The following CNGB3 variants were observed in gnomAD, a reference collection of about 807,000 sequenced individuals.
CNGB3 encodes the protein cyclic nucleotide-gated channel beta-3.
Under a neutral mutation model 92.8 loss-of-function variants are expected in CNGB3, and 86 were observed. That is an observed-to-expected ratio of 0.93 (90% CI 0.78 to 1.11). The LOEUF is 1.11. Among genes scored for constraint, CNGB3 ranks in the 50% least tolerant of loss-of-function variants. The pLI is 0.00. For synonymous variants in CNGB3, 333 were observed against 332.7 expected, an observed-to-expected ratio of 1.00 and a Z score of -0.01; for missense variants, 1,026 against 956.8, an observed-to-expected ratio of 1.07 and a Z score of -0.95.
chr8:86,626,641 T>C (rs1172037817), intron 12 of CNGB3, among the ~76,000 whole-genome samples: 1 of 152,158 alleles, frequency 6.6e-6, no homozygotes, highest in Non-Finnish European at 1.5e-5. Flanking sequence ...CTTGCTCCAT[T>C]GTGCATAATT....
At chr8:86,684,231 A>G (rs1259156871) in intron 3 of CNGB3, among the ~76,000 whole-genome samples, 1 of 152,188 alleles carries the variant, frequency 6.6e-6, no homozygotes, top group African/African-American at 2.4e-5. Context: ...GATGGCAAAT[A>G]AGTAAATGAA....
At chr8:86,693,496 G>A (rs533285650) in intron 3 of CNGB3, among the ~76,000 whole-genome samples, 80 of 149,036 alleles carry the variant, frequency 5.4e-4, no homozygotes, top group African/African-American at 1.7e-3. Flanking sequence ...CTCGCAGAGG[G>A]GGATTTGGCA....
chr8:86,684,947 CTAAA>C (rs1824156110), intron 3 of CNGB3, among the ~76,000 whole-genome samples: 1 of 152,048 alleles, frequency 6.6e-6, no homozygotes, highest in South Asian at 2.1e-4. Flanking sequence ...TTGCACAAAA[CTAAA>C]TATGCCATAC....
At position 86,623,905 on chromosome 8, in the gene CNGB3, C is replaced by T. The variant is rs894872560; in HGVS notation, c.1578+2078G>A. 5.9e-5 allele frequency among the ~76,000 whole-genome samples: 9 copies of T among 152,172 alleles called. No homozygotes were observed. The South Asian group carries it at 6.2e-4, about 11-fold the overall frequency. ...TTGGGTTTGAATATACCCAATATTT[C>T]GCCACTTCTCAAAAACTCTGCTTCA... On this transcript the variant is annotated intron_variant, in intron 13 of 17. Coordinates refer to ENST00000320005, the MANE Select transcript of CNGB3 (RefSeq NM_019098.5).
intron 15 of CNGB3, among the ~76,000 whole-genome samples, chr8:86,589,644 C>T (rs1348776771): frequency 1.2e-4 from 18 of 151,952 alleles, no homozygotes; most frequent in Admixed American, 4.6e-4. Context: ...TGTAGTTGAG[C>T]GGTTTTGAGT....
At chr8:86,646,214 G>A (rs1563738979) in intron 8 of CNGB3, among the ~76,000 whole-genome samples, 1 of 151,066 alleles carries the variant, frequency 6.6e-6, no homozygotes, top group Non-Finnish European at 1.5e-5. Context: ...ATAAGGGATG[G>A]CCTGACCACT....
At chr8:86,712,908 C>T (rs1264476847) in intron 3 of CNGB3, among the ~76,000 whole-genome samples, 4 of 151,070 alleles carry the variant, frequency 2.6e-5, no homozygotes, top group Non-Finnish European at 5.9e-5. Context: ...TACTTTTGCT[C>T]ATCTGTTTTT....
At chr8:86,727,950 C>G (rs1825090860) in intron 2 of CNGB3, among the ~76,000 whole-genome samples, 1 of 152,008 alleles carries the variant, frequency 6.6e-6, no homozygotes, top group Non-Finnish European at 1.5e-5. Context: ...TTTCAAGGTA[C>G]TAAACTTTTC....
intron 6 of CNGB3, among the ~76,000 whole-genome samples, chr8:86,663,595 AC>A (rs1823686448): frequency 6.6e-6 from 1 of 152,194 alleles, no homozygotes; most frequent in Admixed American, 6.5e-5. Context: ...AGATGTATCT[AC>A]CTAGCAACTG....
chr8:86,678,731 C>T (rs1238170352), intron 3 of CNGB3, among the ~76,000 whole-genome samples: 1 of 152,040 alleles, frequency 6.6e-6, no homozygotes, highest in Admixed American at 6.6e-5. Flanking sequence ...TAAAGTTAGT[C>T]AACCATTTTA....
At chr8:86,743,445 A>G in intron 1 of CNGB3, 54 bp downstream of exon 1, 1 of 1,607,222 alleles carries the variant, frequency 6.2e-7, no homozygotes, top group Non-Finnish European at 8.5e-7. Context: ...AAATGCTATT[A>G]CCAGATAAGA....
chr8:86,686,317 T>C (rs983537569), intron 3 of CNGB3, among the ~76,000 whole-genome samples: 1 of 150,546 alleles, frequency 6.6e-6, no homozygotes, highest in Non-Finnish European at 1.5e-5. Flanking sequence ...TTAATGGAGC[T>C]CACCGTTCGA....
intron 6 of CNGB3, among the ~76,000 whole-genome samples, chr8:86,657,101 T>G (rs1823523679): frequency 6.6e-6 from 1 of 152,168 alleles, no homozygotes; most frequent in Admixed American, 6.5e-5. Flanking sequence ...GAAAAGTTGC[T>G]TAGTGAGTCA....
intron 15 of CNGB3, among the ~76,000 whole-genome samples, chr8:86,585,364 A>G (rs1175953046): frequency 6.6e-6 from 1 of 152,084 alleles, no homozygotes; most frequent in Non-Finnish European, 1.5e-5. Flanking sequence ...GAATATTAAG[A>G]TAGTCCCTGG....
rs149935938 is a variant in CNGB3 at position 86,672,190 on chromosome 8, C to T, written c.339-1092G>A. On this transcript the variant is annotated intron_variant, in intron 3 of 17. Coordinates refer to ENST00000320005, the MANE Select transcript of CNGB3 (RefSeq NM_019098.5). The stretch of plus-strand genomic sequence containing the variant: ...CTTGGCTCACTGCAATCTCTGCCTC[C>T]CAGGTTCAAGCAATTCTCATGCCGC... Among the ~76,000 whole-genome samples, 52 of 152,110 alleles carry T rather than the reference C, an allele frequency of 3.4e-4. 1 individual carries two copies. The East Asian group carries it at 4.9e-3, about 14-fold the overall frequency.
intron 15 of CNGB3, among the ~76,000 whole-genome samples, chr8:86,596,272 A>G (rs993461602): frequency 7.9e-5 from 12 of 152,246 alleles, no homozygotes; most frequent in African/African-American, 1.4e-4. Flanking sequence ...ATAGCTATAC[A>G]TTGTGATTTG....
intron 14 of CNGB3, among the ~76,000 whole-genome samples, chr8:86,607,828 G>A (rs1423576900): frequency 6.6e-6 from 1 of 152,090 alleles, no homozygotes; most frequent in Non-Finnish European, 1.5e-5. Flanking sequence ...AAATTATATA[G>A]ATAACCTCAA....
chr8:86,608,408 G>C (rs1333097926), intron 14 of CNGB3, among the ~76,000 whole-genome samples: 1 of 152,236 alleles, frequency 6.6e-6, no homozygotes, highest in African/African-American at 2.4e-5. Flanking sequence ...TGGTCTAGCA[G>C]TAGCAAAAAG....
chr8:86,703,834 A>T (rs1824601220), intron 3 of CNGB3: 1 of 152,192 alleles, frequency 6.6e-6, no homozygotes, highest in Non-Finnish European at 1.5e-5. Flanking sequence ...TATCTGAGTG[A>T]TTATAAGTCA....
Sources: gnomAD v4.1 joint callset for allele counts (sites outside exome capture counted in the v4.1 genomes callset) on GRCh38, gnomAD v4.1.1 for gene constraint, MANE v1.5 for transcripts, NCBI Gene and HGNC (gene_info 2026-07-23, HGNC 2026-07-21) for gene names.